STK32B: variants seen among roughly 807,000 people sequenced by gnomAD.
STK32B encodes the protein serine/threonine kinase 32B, also known as serine/threonine-protein kinase 32B.
In STK32B, 43 loss-of-function variants were observed where a neutral mutation model predicts 52.6. That is an observed-to-expected ratio of 0.82 (90% CI 0.64 to 1.05). The LOEUF (loss-of-function observed/expected upper bound fraction) is 1.05. Ranked by LOEUF, STK32B falls within the 50% of genes least tolerant of loss-of-function variation. STK32B has a pLI of 0.00. For synonymous variants in STK32B, 238 were observed against 204.3 expected, an observed-to-expected ratio of 1.17 and a Z score of -1.41; for missense variants, 621 against 534.6, an observed-to-expected ratio of 1.16 and a Z score of -1.59.
chr4:5,136,990 A>G (rs1000541394), intron 1 of STK32B, among the ~76,000 whole-genome samples: 12 of 152,196 alleles, frequency 7.9e-5, no homozygotes, highest in African/African-American at 2.9e-4. Context: ...TGTAGGGGAT[A>G]TGGATGACAT....
chr4:5,242,861 C>T (rs1462758490), intron 3 of STK32B, among the ~76,000 whole-genome samples: 1 of 152,152 alleles, frequency 6.6e-6, no homozygotes, highest in Non-Finnish European at 1.5e-5. Flanking sequence ...TTGTTTTTCT[C>T]AGGTTTGTCA....
At chr4:5,194,434 C>T (rs1008432946) in intron 3 of STK32B, among the ~76,000 whole-genome samples, 1 of 152,152 alleles carries the variant, frequency 6.6e-6, no homozygotes, top group African/African-American at 2.4e-5. Flanking sequence ...GGACCTTGCC[C>T]TTTGCTCATC....
intron 1 of STK32B, among the ~76,000 whole-genome samples, chr4:5,127,746 G>T (rs1163076060): frequency 6.6e-6 from 1 of 152,118 alleles, no homozygotes. Context: ...CTGATGATAT[G>T]GTTTGGCTGT....
At chr4:5,243,807 A>G (rs1472759862) in intron 3 of STK32B, among the ~76,000 whole-genome samples, 2 of 152,062 alleles carry the variant, frequency 1.3e-5, no homozygotes, top group East Asian at 1.9e-4. Context: ...GAATTTTGTC[A>G]AAGGCCTTTT....
At chr4:5,468,255 G>T (rs1389809788) in intron 11 of STK32B, among the ~76,000 whole-genome samples, 185 bp downstream of exon 11, 3 of 152,216 alleles carry the variant, frequency 2.0e-5, no homozygotes, top group African/African-American at 7.2e-5. Flanking sequence ...ACAGGGCTCC[G>T]ATCCTGCCTC....
At chr4:5,099,008 T>C (rs761560078) in intron 1 of STK32B, among the ~76,000 whole-genome samples, 33 of 152,184 alleles carry the variant, frequency 2.2e-4, no homozygotes, top group Non-Finnish European at 3.8e-4. Context: ...AGGTCAGATG[T>C]CTACAGTGTG....
At chr4:5,266,910 A>G (rs1490485578) in intron 3 of STK32B, among the ~76,000 whole-genome samples, 1 of 152,170 alleles carries the variant, frequency 6.6e-6, no homozygotes, top group Non-Finnish European at 1.5e-5. Flanking sequence ...CAACTCTAGC[A>G]TCTTTTGCTT....
intron 3 of STK32B, among the ~76,000 whole-genome samples, chr4:5,238,907 T>A (rs1255558837): frequency 6.6e-6 from 1 of 152,188 alleles, no homozygotes; most frequent in Non-Finnish European, 1.5e-5. Flanking sequence ...AGTAATACAT[T>A]GAGTTCTGTA....
chr4:5,380,459 A>G lies in STK32B; in HGVS notation c.435-17748A>G, dbSNP rs981984958. 5.3e-5 allele frequency among the ~76,000 whole-genome samples: 8 copies of G among 152,116 alleles called. No individual in the cohort carries two copies. Among genetic ancestry groups the G allele is most frequent in the Non-Finnish European group, 1.2e-4 (8 of 68,012 alleles). On this transcript the variant is annotated intron_variant, in intron 4 of 11. Coordinates refer to ENST00000282908, the MANE Select transcript of STK32B (RefSeq NM_018401.3). The surrounding 1 kb of genome is among the most constrained non-coding windows in gnomAD (Gnocchi z 4.3). ...ATGCTATGTCTAATTTTGTGAACAG[A>G]TATTTTGTTCACAGGACAAGAATCC...
intron 2 of STK32B, among the ~76,000 whole-genome samples, chr4:5,152,222 G>T (rs1053453030): frequency 6.6e-6 from 1 of 152,240 alleles, no homozygotes; most frequent in East Asian, 1.9e-4. Flanking sequence ...GATATACGAG[G>T]TGGGTGAAGA....
At chr4:5,259,799 T>C (rs116394685) in intron 3 of STK32B, among the ~76,000 whole-genome samples, 59 of 152,238 alleles carry the variant, frequency 3.9e-4, no homozygotes, top group African/African-American at 1.3e-3. Context: ...CACCAGACTA[T>C]TTTAATGCAA....
At chr4:5,462,637 G>C (rs1456944509) in intron 9 of STK32B, among the ~76,000 whole-genome samples, 1 of 152,162 alleles carries the variant, frequency 6.6e-6, no homozygotes, top group African/African-American at 2.4e-5. Flanking sequence ...AACAGCCCCA[G>C]GGCTGCCAGG....
chr4:5,236,048 C>A, intron 3 of STK32B, among the ~76,000 whole-genome samples: 1 of 152,190 alleles, frequency 6.6e-6, no homozygotes, highest in East Asian at 1.9e-4. Context: ...TGGGTGTCTG[C>A]AGGGGCAGTG....
At chr4:5,060,254 C>G (rs1248874792) in intron 1 of STK32B, among the ~76,000 whole-genome samples, 6 of 152,312 alleles carry the variant, frequency 3.9e-5, no homozygotes, top group African/African-American at 1.2e-4. Flanking sequence ...GTGTGAGCCA[C>G]TGTGCCCGGC....
At chr4:5,195,408 A>G (rs995259557) in intron 3 of STK32B, among the ~76,000 whole-genome samples, 1 of 152,150 alleles carries the variant, frequency 6.6e-6, no homozygotes, top group African/African-American at 2.4e-5. Flanking sequence ...GAATATTAGA[A>G]TGGGCCGGGT....
chr4:5,337,936 G>A (rs756852412), intron 4 of STK32B, among the ~76,000 whole-genome samples: 20 of 152,126 alleles, frequency 1.3e-4, no homozygotes, highest in Admixed American at 2.6e-4. Flanking sequence ...GGAGAAAGAC[G>A]GCTAAATCTT....
intron 1 of STK32B, among the ~76,000 whole-genome samples, chr4:5,123,840 A>G (rs565847525): frequency 3.8e-4 from 25 of 65,396 alleles, no homozygotes; most frequent in African/African-American, 1.0e-3. Flanking sequence ...CATGACAACT[A>G]TGATTACCAC....
intron 2 of STK32B, among the ~76,000 whole-genome samples, chr4:5,162,264 T>G (rs1236661807): frequency 6.6e-6 from 1 of 152,210 alleles, no homozygotes; most frequent in East Asian, 1.9e-4. Flanking sequence ...GAGGACTTTC[T>G]TGAAGATTGC....
In STK32B at chr4:5,446,647, T is replaced by C. The variant is rs201315306; in HGVS notation, c.563-26T>C. On this transcript the variant is annotated intron_variant, in intron 6 of 11. Coordinates refer to ENST00000282908, the MANE Select transcript of STK32B (RefSeq NM_018401.3). ...GGCCATAAACTGGGATACACAATGA[T>C]GTTCTCCTTGTCCTCTCGTTGGCAG... 1.3e-4 allele frequency: 200 copies of C among 1,592,374 alleles called. No individual in the cohort carries two copies. In the African/African-American group the frequency reaches 2.1e-3, roughly 16 times the overall value.
Sources: gnomAD v4.1 joint callset for allele counts (sites outside exome capture counted in the v4.1 genomes callset) on GRCh38, gnomAD v4.1.1 for gene constraint, Gnocchi (gnomAD v3.1) non-coding constraint, MANE v1.5 for transcripts, NCBI Gene and HGNC (gene_info 2026-07-23, HGNC 2026-07-21) for gene names.